KCNIP4: variants seen among roughly 807,000 people sequenced by gnomAD.
KCNIP4 encodes the protein Kv channel-interacting protein 4.
KCNIP4 carries 12 observed loss-of-function variants against 34.0 expected under a neutral mutation model. The ratio of observed to expected loss-of-function variants is 0.35; its 90% CI spans 0.23 to 0.57. KCNIP4 has a LOEUF of 0.57. Among genes scored for constraint, KCNIP4 ranks in the 20% least tolerant of loss-of-function variants. KCNIP4 has a pLI of 0.83. For missense variants in KCNIP4, 238 were observed against 311.7 expected, an observed-to-expected ratio of 0.76 and a Z score of 1.78; for synonymous variants, 124 against 102.2, an observed-to-expected ratio of 1.21 and a Z score of -1.29.
intron 1 of KCNIP4, among the ~76,000 whole-genome samples, chr4:21,135,080 T>C (rs1189103463): frequency 6.6e-6 from 1 of 152,212 alleles, no homozygotes. Flanking sequence ...CAATGAACCA[T>C]TCAAAGACTG....
intron 1 of KCNIP4, among the ~76,000 whole-genome samples, chr4:21,827,280 G>C (rs1226113264): frequency 6.6e-6 from 1 of 151,940 alleles, no homozygotes; most frequent in Non-Finnish European, 1.5e-5. Context: ...AAGGAAAAAT[G>C]GTTACAGTTT....
intron 1 of KCNIP4, among the ~76,000 whole-genome samples, chr4:21,267,285 A>G (rs1035436186): frequency 4.7e-4 from 72 of 151,992 alleles, no homozygotes; most frequent in African/African-American, 1.6e-3. Flanking sequence ...CTGCCTTTTA[A>G]TTCTCTCATG....
intron 3 of KCNIP4, among the ~76,000 whole-genome samples, chr4:20,759,118 T>G (rs1296529700): frequency 1.3e-5 from 2 of 152,106 alleles, no homozygotes; most frequent in African/African-American, 4.8e-5. Context: ...AGTATCAAAG[T>G]AGGTGTAATG....
chr4:20,874,995 C>A (rs1164157148), intron 2 of KCNIP4, among the ~76,000 whole-genome samples: 2 of 151,998 alleles, frequency 1.3e-5, no homozygotes, highest in Non-Finnish European at 2.9e-5. Flanking sequence ...TTTGTCACAG[C>A]CAGAAATAAT....
intron 1 of KCNIP4, among the ~76,000 whole-genome samples, chr4:21,375,692 G>A (rs954468933): frequency 5.9e-5 from 9 of 151,410 alleles, no homozygotes; most frequent in African/African-American, 7.3e-5. Flanking sequence ...TCAGCCTCCC[G>A]AGTAGCTGGG....
chr4:21,296,886 C>A (rs899264799), intron 1 of KCNIP4, among the ~76,000 whole-genome samples: 3 of 151,726 alleles, frequency 2.0e-5, no homozygotes, highest in African/African-American at 7.3e-5. Flanking sequence ...GGCACCAAAG[C>A]AAGCAGTTAG....
At chr4:21,478,248 ATTT>A (rs1560445004) in intron 1 of KCNIP4, among the ~76,000 whole-genome samples, 1 of 16,950 alleles carries the variant, frequency 5.9e-5, no homozygotes, top group Non-Finnish European at 1.4e-4. Flanking sequence ...TTATTTACAT[ATTT>A]ATTTATTTAT....
intron 1 of KCNIP4, among the ~76,000 whole-genome samples, chr4:21,296,066 C>T (rs1763823717): frequency 6.6e-6 from 1 of 152,058 alleles, no homozygotes; most frequent in African/African-American, 2.4e-5. Context: ...TGGCTGAATC[C>T]CCACTGTCTA....
At chr4:21,631,950 C>T (rs776610653) in intron 1 of KCNIP4, among the ~76,000 whole-genome samples, 3 of 152,214 alleles carry the variant, frequency 2.0e-5, no homozygotes, top group Non-Finnish European at 4.4e-5. Context: ...TATTCCATCA[C>T]CCTTGCTCTA....
At chr4:21,289,232 G>A (rs528387648) in intron 1 of KCNIP4, among the ~76,000 whole-genome samples, 1 of 152,126 alleles carries the variant, frequency 6.6e-6, no homozygotes, top group African/African-American at 2.4e-5. Context: ...AATGTGTAAT[G>A]ATTCAATCAG....
At chr4:21,681,900 T>A (rs1021484594) in intron 1 of KCNIP4, among the ~76,000 whole-genome samples, 2 of 151,662 alleles carry the variant, frequency 1.3e-5, no homozygotes, top group African/African-American at 2.4e-5. Flanking sequence ...ATTTATTTAT[T>A]TTTTTTGAGA....
intron 3 of KCNIP4, among the ~76,000 whole-genome samples, chr4:20,800,483 C>A (rs940198295): frequency 6.6e-6 from 1 of 152,108 alleles, no homozygotes; most frequent in African/African-American, 2.4e-5. Context: ...TAATAATATT[C>A]TTTATTATTA....
At chr4:21,169,551 G>T (rs1455595486) in intron 1 of KCNIP4, among the ~76,000 whole-genome samples, 1 of 152,066 alleles carries the variant, frequency 6.6e-6, no homozygotes, top group Non-Finnish European at 1.5e-5. Flanking sequence ...TTAGAAATAA[G>T]TTTTAATTGA....
At chr4:21,038,542 T>C (rs1741665249) in intron 1 of KCNIP4, among the ~76,000 whole-genome samples, 1 of 152,042 alleles carries the variant, frequency 6.6e-6, no homozygotes. Flanking sequence ...CCAGTTCCCC[T>C]TTGGTTGAAG....
intron 2 of KCNIP4, among the ~76,000 whole-genome samples, chr4:20,866,403 G>A (rs1473874972): frequency 6.6e-6 from 1 of 151,856 alleles, no homozygotes; most frequent in Non-Finnish European, 1.5e-5. Context: ...TCAAAAGCTG[G>A]AACATTATGA....
chr4:21,934,765 C>T (rs982520410), intron 1 of KCNIP4, among the ~76,000 whole-genome samples: 1 of 152,050 alleles, frequency 6.6e-6, no homozygotes, highest in Non-Finnish European at 1.5e-5. Flanking sequence ...TGTGGAGCCA[C>T]GATGCCTTGG....
chr4:21,347,982 C>G (rs1402566898), intron 1 of KCNIP4, among the ~76,000 whole-genome samples: 1 of 152,186 alleles, frequency 6.6e-6, no homozygotes, highest in Non-Finnish European at 1.5e-5. Context: ...ACTTAGGAGT[C>G]ATGCTCATAC....
chr4:21,012,442 G>T (rs555239237), intron 1 of KCNIP4, among the ~76,000 whole-genome samples: 1 of 152,198 alleles, frequency 6.6e-6, no homozygotes, highest in East Asian at 1.9e-4. Context: ...AAATAAACTG[G>T]ATGTGGTGGC....
chr4:21,698,338 C>A (rs1712564079), intron 1 of KCNIP4, among the ~76,000 whole-genome samples: 1 of 152,172 alleles, frequency 6.6e-6, no homozygotes, highest in African/African-American at 2.4e-5. Flanking sequence ...TGCCTCCAGG[C>A]AACAGAGCTC....
Sources: gnomAD v4.1 joint callset for allele counts (sites outside exome capture counted in the v4.1 genomes callset) on GRCh38, gnomAD v4.1.1 for gene constraint, MANE v1.5 for transcripts, NCBI Gene and HGNC (gene_info 2026-07-23, HGNC 2026-07-21) for gene names.